The following GRIP2 variants were observed in gnomAD, a reference collection of about 807,000 sequenced individuals.
GRIP2 encodes the protein glutamate receptor-interacting protein 2.
A neutral mutation model predicts 108.3 loss-of-function variants in GRIP2; 58 were observed. The ratio of observed to expected loss-of-function variants is 0.54; its 90% CI spans 0.43 to 0.67. The LOEUF (loss-of-function observed/expected upper bound fraction) is 0.67. GRIP2 is among the 30% of genes least tolerant of loss of function. The pLI is 0.00. For missense variants in GRIP2, 1,278 were observed against 1,430.6 expected (o/e 0.89, Z 1.72); for synonymous variants, 586 against 598.2 (o/e 0.98, Z 0.30).
upstream of GRIP2, among the ~76,000 whole-genome samples, chr3:14,557,947 C>CG (rs1695261958): frequency 1.3e-5 from 2 of 152,270 alleles, no homozygotes; most frequent in Non-Finnish European, 2.9e-5. Context: ...GAGCACTTAG[C>CG]GGAGGGTGGC....
intron 2 of GRIP2, 42 bp from the exon 3 acceptor site, chr3:14,525,614 G>T: frequency 6.2e-7 from 1 of 1,609,036 alleles, no homozygotes; most frequent in Non-Finnish European, 8.5e-7. Context: ...GGCAGCTGGG[G>T]CCACCCCAGG....
chr3:14,581,577 A>T, the GRIP2 span, among the ~76,000 whole-genome samples: 1 of 152,206 alleles, frequency 6.6e-6, no homozygotes. Context: ...CAGCCCCAGG[A>T]CTTTTGCTGG....
Position 14,512,839 on chromosome 3 carries a change from C to T in GRIP2, c.1658G>A (p.Ser553Asn), listed in dbSNP as rs777167952. ...GGGCAGCTTCACGTGGAAGGTGCCACTGCTTGGGATGACGGACTCTGGGGG... is the reference window on the plus strand; with the variant it reads ...GGGCAGCTTCACGTGGAAGGTGCCATTGCTTGGGATGACGGACTCTGGGGG... ...FDVAESVIPS[S>N]GTFHVKLPKK... is the part of the protein sequence containing the mutation. The change falls in exon 14 of 24, where the codon AGT becomes AAT. Residue 553 changes from serine to asparagine, a missense_variant. Coordinates refer to ENST00000621039, the MANE Select transcript of GRIP2 (RefSeq NM_001080423.4). This position sits in a 1 kb window ranked among gnomAD's most constrained non-coding sequence, Gnocchi z 5.1. The T allele has an allele frequency of 1.2e-6, 2 of 1,613,740 alleles. No homozygotes were observed. The highest frequency in any genetic ancestry group is 1.1e-5 in the South Asian group (1 of 91,076).
chr3:14,531,372 C>T (rs1387138413), intron 1 of GRIP2, among the ~76,000 whole-genome samples: 2 of 152,208 alleles, frequency 1.3e-5, no homozygotes. Context: ...TGCACCTGAG[C>T]ATTTCAAAGG....
At chr3:14,573,642 C>T in the GRIP2 span, 2 of 1,502,404 alleles carry the variant, frequency 1.3e-6, no homozygotes, top group African/African-American at 2.7e-5. Context: ...TGTGATGACA[C>T]AGTCCATGTG....
At chr3:14,586,734 G>A in the GRIP2 span, among the ~76,000 whole-genome samples, 1 of 152,224 alleles carries the variant, frequency 6.6e-6, no homozygotes, top group African/African-American at 2.4e-5. Flanking sequence ...GCAGCCCCAG[G>A]AAACGTAAGT....
chr3:14,542,213 T>A, upstream of GRIP2: 1 of 454,312 alleles, frequency 2.2e-6, no homozygotes, highest in Non-Finnish European at 3.7e-6. Context: ...TGGAGTGCAG[T>A]GGCGCAGTCT....
At chr3:14,591,395 C>T in the GRIP2 span, among the ~76,000 whole-genome samples, 1 of 152,134 alleles carries the variant, frequency 6.6e-6, no homozygotes, top group Non-Finnish European at 1.5e-5. Context: ...GGTGAAATCC[C>T]CACTCGGCCA....
At chr3:14,534,851 T>C (rs1694796319) in intron 1 of GRIP2, among the ~76,000 whole-genome samples, 1 of 152,146 alleles carries the variant, frequency 6.6e-6, no homozygotes. Context: ...GCTATTGAGC[T>C]TTGACAAAGG....
chr3:14,586,638 G>C, the GRIP2 span, among the ~76,000 whole-genome samples: 2 of 152,210 alleles, frequency 1.3e-5, no homozygotes, highest in South Asian at 2.1e-4. Flanking sequence ...CATACTCCAG[G>C]AGATTATGTG....
the GRIP2 span, among the ~76,000 whole-genome samples, chr3:14,577,418 G>C: frequency 6.6e-6 from 1 of 152,166 alleles, no homozygotes. Flanking sequence ...ACAAAGCAGA[G>C]AGAGACACAT....
intron 21 of GRIP2, among the ~76,000 whole-genome samples, chr3:14,502,493 CA>C (rs10641106): frequency 0.015 from 1,926 of 126,558 alleles, 40 homozygotes; most frequent in African/African-American, 0.049. Flanking sequence ...GACTCTGTCT[CA>C]AAAAAAAAAA....
chr3:14,515,721 C>T (rs1694230579), intron 11 of GRIP2, among the ~76,000 whole-genome samples: 1 of 152,028 alleles, frequency 6.6e-6, no homozygotes, highest in Admixed American at 6.6e-5. Flanking sequence ...CTGCAACCTC[C>T]GCCTCCCGGG....
At chr3:14,546,075 C>T (rs1043922819), upstream of GRIP2, among the ~76,000 whole-genome samples, 3 of 152,140 alleles carry the variant, frequency 2.0e-5, no homozygotes, top group Non-Finnish European at 2.9e-5. Context: ...AGTAGGCGAC[C>T]TTTAAGCTGA....
At chr3:14,540,398 AG>A (rs1348674456), upstream of GRIP2, 13 of 1,608,176 alleles carry the variant, frequency 8.1e-6, no homozygotes, top group Non-Finnish European at 1.1e-5. The surrounding 1 kb of genome is among the most constrained non-coding windows in gnomAD (Gnocchi z 4.1). Flanking sequence ...GGGCTGTGGG[AG>A]GGAAGCTCAC....
rs947892070 is a variant in GRIP2 at position 14,520,261 on chromosome 3, A to T, written c.879T>A (p.Pro293=). Reference sequence around the variant, plus strand: ...CATCGATGGACAGGATGTGGTCTCCAGGGTGCAGGGCTCCGCTCCTGGCCA... The same window carrying T: ...CATCGATGGACAGGATGTGGTCTCCTGGGTGCAGGGCTCCGCTCCTGGCCA... The part of the protein sequence containing the change: ...SVVDRSGALH[P]GDHILSIDGT... The change falls in exon 9 of 24, where the codon CCT becomes CCA. Residue 293 remains proline (P), a synonymous_variant. Transcript: ENST00000621039. 1.3e-5 allele frequency: 21 copies of T among 1,613,874 alleles called. No homozygotes were observed. The Middle Eastern group carries it at 8.3e-4, about 64-fold the overall frequency.
chr3:14,493,930 T>A, intron 23 of GRIP2, 104 bp from the exon 24 acceptor site: 1 of 1,237,378 alleles, frequency 8.1e-7, no homozygotes, highest in Admixed American at 2.5e-5. Context: ...TGCCCCAGCC[T>A]TGACGCAAGC....
the GRIP2 span, chr3:14,574,072 C>G: frequency 6.7e-7 from 1 of 1,482,944 alleles, no homozygotes; most frequent in Non-Finnish European, 9.4e-7. Context: ...TTGACGTTCT[C>G]GTAGACCCAG....
At position 14,520,518 on chromosome 3, in the gene GRIP2, C is replaced by T. The variant is rs115834067; in HGVS notation, c.732G>A (p.Ser244=). The change falls in exon 8 of 24, where the codon TCG becomes TCA. Residue 244 remains serine (S), a synonymous_variant. Coordinates refer to ENST00000621039, the MANE Select transcript of GRIP2 (RefSeq NM_001080423.4). The part of the protein sequence containing the change: ...VATPDTVANA[S]GPLMVEIVKT... ...TGACTATTTCCACCATCAAGGGTCC[C>T]GAAGCATTAGCCACCGTGTCTGGCA... 2,813 of 1,613,848 alleles carry T rather than the reference C, an allele frequency of 1.7e-3. 32 individuals carry two copies. The African/African-American group carries it at 0.028, about 16-fold the overall frequency.
Sources: allele counts gnomAD v4.1 joint callset (sites outside exome capture counted in the v4.1 genomes callset), GRCh38; gene constraint gnomAD v4.1.1; non-coding constraint Gnocchi (gnomAD v3.1); transcripts MANE v1.5; gene names NCBI Gene and HGNC (gene_info 2026-07-23, HGNC 2026-07-21).